TENM3: variants seen among roughly 807,000 people sequenced by gnomAD.
TENM3 encodes teneurin transmembrane protein 3, also known as teneurin-3.
In TENM3, 63 loss-of-function variants were observed where a neutral mutation model predicts 255.1. That is an observed-to-expected ratio of 0.25 (90% CI 0.20 to 0.30). The LOEUF (loss-of-function observed/expected upper bound fraction) is 0.30, where lower values mean the gene tolerates loss of function less well. Among genes scored for constraint, TENM3 ranks in the 10% least tolerant of loss-of-function variants. TENM3 has a pLI of 1.00. For synonymous variants in TENM3, 1,306 were observed against 1,322.3 expected (o/e 0.99, Z 0.27); for missense variants, 2,929 against 3,461.1 (o/e 0.85, Z 3.86).
rs186589498 is a variant in TENM3, at chr4:182,703,122, T to C, written c.2222-10965T>C. Among the ~76,000 whole-genome samples the C allele has an allele frequency of 2.5e-3, 388 of 152,332 alleles. 14 individuals carry two copies. The highest frequency in any genetic ancestry group is 0.024 in the Admixed American group (366 of 15,294). On this transcript the variant is annotated intron_variant, in intron 12 of 27. Coordinates refer to ENST00000511685, the MANE Select transcript of TENM3 (RefSeq NM_001080477.4). Reference sequence around the variant, plus strand: ...TCTTGTGTGTATGTGTATAGTGGAATAGATGAAAATTAATTTTTATGTGTT... The same window carrying C: ...TCTTGTGTGTATGTGTATAGTGGAACAGATGAAAATTAATTTTTATGTGTT...
the TENM3 span, among the ~76,000 whole-genome samples, chr4:181,553,320 G>GTATATA: frequency 0.015 from 1,729 of 115,742 alleles, 17 homozygotes; most frequent in South Asian, 0.025. Context: ...ATGTGTATGC[G>GTATATA]TATATATATA....
intron 3 of TENM3, among the ~76,000 whole-genome samples, chr4:182,584,856 G>C (rs55764084): frequency 0.2 from 30,984 of 151,758 alleles, 3,296 homozygotes; most frequent in Middle Eastern, 0.24. Flanking sequence ...TGTTCAGGCC[G>C]GTCTCGATCT....
chr4:181,808,904 G>A, the TENM3 span, among the ~76,000 whole-genome samples: 25 of 152,288 alleles, frequency 1.6e-4, no homozygotes, highest in Non-Finnish European at 3.1e-4. Context: ...ACAGGTGAAG[G>A]GTATTCTAGA....
chr4:182,266,393 T>A (rs1373622849), intron 1 of TENM3, among the ~76,000 whole-genome samples: 1 of 152,228 alleles, frequency 6.6e-6, no homozygotes, highest in African/African-American at 2.4e-5. Context: ...TAAAAATTAA[T>A]TGTAAGAGAG....
intron 3 of TENM3, among the ~76,000 whole-genome samples, chr4:182,577,669 G>A (rs1745067044): frequency 6.6e-6 from 1 of 152,172 alleles, no homozygotes; most frequent in Non-Finnish European, 1.5e-5. Context: ...TAACAACCTA[G>A]GAATCCAGGG....
the TENM3 span, among the ~76,000 whole-genome samples, chr4:181,834,114 TAA>T: frequency 3.7e-5 from 5 of 135,460 alleles, no homozygotes; most frequent in South Asian, 2.4e-4. Flanking sequence ...ATAAATTTGC[TAA>T]AAAAAAAAAA....
At chr4:182,132,952 A>C in the TENM3 span, among the ~76,000 whole-genome samples, 29 of 152,210 alleles carry the variant, frequency 1.9e-4, no homozygotes, top group African/African-American at 6.0e-4. Context: ...AGTTGTTATG[A>C]GGACCACATG....
chr4:182,138,090 G>A, the TENM3 span, among the ~76,000 whole-genome samples: 50 of 152,150 alleles, frequency 3.3e-4, no homozygotes, highest in Non-Finnish European at 6.2e-4. Flanking sequence ...TGGTGTAAGA[G>A]GAAATAGATT....
the TENM3 span, among the ~76,000 whole-genome samples, chr4:181,683,846 A>G: frequency 6.6e-6 from 1 of 152,136 alleles, no homozygotes; most frequent in Non-Finnish European, 1.5e-5. Context: ...TTTTGAGATC[A>G]GGAACTCCAC....
chr4:181,785,156 G>T, the TENM3 span, among the ~76,000 whole-genome samples: 1 of 152,136 alleles, frequency 6.6e-6, no homozygotes, highest in Non-Finnish European at 1.5e-5. Flanking sequence ...TGAAGTTGGA[G>T]CAGTGAGATG....
At chr4:182,321,366 C>T (rs1328700613) in intron 1 of TENM3, among the ~76,000 whole-genome samples, 1 of 152,172 alleles carries the variant, frequency 6.6e-6, no homozygotes, top group African/African-American at 2.4e-5. Context: ...TGGCTCACTC[C>T]TGTAATCCCA....
chr4:181,644,792 C>T, the TENM3 span, among the ~76,000 whole-genome samples: 1 of 152,064 alleles, frequency 6.6e-6, no homozygotes, highest in Non-Finnish European at 1.5e-5. Context: ...TCCTTGTAGT[C>T]CAATCTCTGT....
At chr4:182,256,050 C>CCAAG (rs1371053512) in intron 1 of TENM3, among the ~76,000 whole-genome samples, 1 of 152,164 alleles carries the variant, frequency 6.6e-6, no homozygotes, top group African/African-American at 2.4e-5. Flanking sequence ...TGGGACTCTG[C>CCAAG]CAAGGGCCCT....
chr4:181,757,884 C>T, the TENM3 span, among the ~76,000 whole-genome samples: 1 of 152,168 alleles, frequency 6.6e-6, no homozygotes, highest in Non-Finnish European at 1.5e-5. Context: ...CTGGAAGCAT[C>T]TGTTTTCTTG....
chr4:182,433,091 G>A (rs1771783569), intron 3 of TENM3, among the ~76,000 whole-genome samples: 1 of 152,200 alleles, frequency 6.6e-6, no homozygotes, highest in African/African-American at 2.4e-5. Flanking sequence ...CTGCATTCAA[G>A]TGAAAGATAA....
At chr4:181,805,097 C>T in the TENM3 span, among the ~76,000 whole-genome samples, 3 of 152,298 alleles carry the variant, frequency 2.0e-5, no homozygotes, top group East Asian at 1.9e-4. Flanking sequence ...TTCTGCTGTG[C>T]TCACACTTGC....
At chr4:181,704,844 C>G in the TENM3 span, among the ~76,000 whole-genome samples, 1 of 151,970 alleles carries the variant, frequency 6.6e-6, no homozygotes, top group Non-Finnish European at 1.5e-5. Flanking sequence ...ACCAGCCTGA[C>G]CAACATGGTG....
At chr4:181,747,834 T>C in the TENM3 span, among the ~76,000 whole-genome samples, 2 of 152,066 alleles carry the variant, frequency 1.3e-5, no homozygotes, top group South Asian at 4.1e-4. Flanking sequence ...AGGTAGAGAA[T>C]TAGGTAAGAA....
the TENM3 span, among the ~76,000 whole-genome samples, chr4:182,067,867 C>T: frequency 6.6e-6 from 1 of 152,074 alleles, no homozygotes; most frequent in South Asian, 2.1e-4. Flanking sequence ...ATTTCTCTAT[C>T]GAGGCTTTTT....
Sources: gnomAD v4.1 joint callset for allele counts (sites outside exome capture counted in the v4.1 genomes callset) on GRCh38, gnomAD v4.1.1 for gene constraint, MANE v1.5 for transcripts, NCBI Gene and HGNC (gene_info 2026-07-23, HGNC 2026-07-21) for gene names.